B3GLCT: variants seen among roughly 807,000 people sequenced by gnomAD.
The protein encoded by B3GLCT is beta 3-glucosyltransferase.
In B3GLCT, 65 loss-of-function variants were observed where a neutral mutation model predicts 63.4. The ratio of observed to expected loss-of-function variants is 1.03; its 90% CI spans 0.84 to 1.26. The LOEUF (loss-of-function observed/expected upper bound fraction) is 1.26, where lower values mean the gene tolerates loss of function less well. B3GLCT is among the 50% of genes most tolerant of loss of function. The pLI is 0.00. For missense variants in B3GLCT, 577 were observed against 604.8 expected (o/e 0.95, Z 0.48); for synonymous variants, 233 against 219.2 (o/e 1.06, Z -0.55).
chr13:31,256,125 A>G (rs1871726436), intron 6 of B3GLCT, among the ~76,000 whole-genome samples: 2 of 152,270 alleles, frequency 1.3e-5, no homozygotes, highest in South Asian at 4.1e-4. Context: ...AAGTAGGCAG[A>G]GGATGTGAAC....
intron 6 of B3GLCT, among the ~76,000 whole-genome samples, chr13:31,252,835 C>G (rs954237856): frequency 1.3e-5 from 2 of 152,136 alleles, no homozygotes; most frequent in Non-Finnish European, 2.9e-5. Context: ...TATCCAGGAC[C>G]TGAACTCAGC....
intron 12 of B3GLCT, among the ~76,000 whole-genome samples, chr13:31,288,439 GA>G (rs1186806677): frequency 2.6e-5 from 4 of 152,142 alleles, no homozygotes; most frequent in African/African-American, 9.7e-5. Context: ...GCAGGCCCAA[GA>G]ATCAGCCATT....
chr13:31,311,551 A>T (rs1874711109), intron 12 of B3GLCT: 1 of 152,246 alleles, frequency 6.6e-6, no homozygotes, highest in Admixed American at 6.5e-5. Context: ...ATTCTTTCTC[A>T]ACCACTTTGT....
chr13:31,274,600 C>T lies in B3GLCT; in HGVS notation c.752C>T (p.Thr251Ile). Residue 251 changes from threonine to isoleucine, a missense_variant, in exon 9 of 15, where the codon ACC becomes ATC. Coordinates refer to ENST00000343307, the MANE Select transcript of B3GLCT (RefSeq NM_194318.4). ...AATGACGTGGACTTCTACTGTGCTA[C>T]CACATTCCATTCTTTTCTACCGCTT... Reference protein sequence around the residue: ...CTNDVDFYCATTFHSFLPLCR... With the variant: ...CTNDVDFYCAITFHSFLPLCR... 1.9e-6 allele frequency: 3 copies of T among 1,614,204 alleles called. No homozygotes were observed. The highest frequency in any genetic ancestry group is 1.7e-5 in the Admixed American group (1 of 60,028).
chr13:31,328,264 T>TA (rs531880777), intron 14 of B3GLCT, among the ~76,000 whole-genome samples: 386 of 152,298 alleles, frequency 2.5e-3, no homozygotes, highest in African/African-American at 8.6e-3. Flanking sequence ...CAGACTGTAA[T>TA]AAAAAAAGTA....
At chr13:31,233,027 C>G (rs757480357) in intron 4 of B3GLCT, among the ~76,000 whole-genome samples, 3 of 152,206 alleles carry the variant, frequency 2.0e-5, no homozygotes, top group African/African-American at 4.8e-5. Flanking sequence ...TATTAAATCA[C>G]AAGTTCTTTG....
At chr13:31,320,485 A>G (rs928630231) in intron 13 of B3GLCT, among the ~76,000 whole-genome samples, 2 of 152,206 alleles carry the variant, frequency 1.3e-5, no homozygotes, top group Non-Finnish European at 2.9e-5. Context: ...TTTTCTCTCT[A>G]GAAATTCATT....
intron 12 of B3GLCT, among the ~76,000 whole-genome samples, chr13:31,309,669 G>A (rs1349460986): frequency 6.6e-6 from 1 of 152,146 alleles, no homozygotes; most frequent in Non-Finnish European, 1.5e-5. Context: ...GAAGGAGTGT[G>A]GAGCTTCCTT....
intron 4 of B3GLCT, among the ~76,000 whole-genome samples, chr13:31,229,919 C>T (rs1203147284): frequency 6.6e-6 from 1 of 150,932 alleles, no homozygotes; most frequent in Non-Finnish European, 1.5e-5. Flanking sequence ...ATGATAAAAG[C>T]AAGTAGAAGA....
rs552757022 is a variant in B3GLCT at position 31,215,259 on chromosome 13, A to G, written c.120+159A>G. On this transcript the variant is annotated intron_variant, in intron 2 of 14. Coordinates refer to ENST00000343307, the MANE Select transcript of B3GLCT (RefSeq NM_194318.4). ...GGATTTTGAATCCCTAATGCAACCT[A>G]TAAGATAGACTTGCTTTTTACAAAT... Among the ~76,000 whole-genome samples the G allele has an allele frequency of 1.2e-4, 18 of 152,326 alleles. No homozygotes were observed. In the South Asian group the frequency reaches 1.9e-3, roughly 16 times the overall value.
intron 1 of B3GLCT, 64 bp from the exon 2 acceptor site, chr13:31,214,987 A>G: frequency 7.0e-7 from 1 of 1,430,756 alleles, no homozygotes; most frequent in Non-Finnish European, 9.7e-7. Context: ...AAACTGTTGG[A>G]TGTGAGAATT....
At chr13:31,317,818 A>G (rs2137936395) in intron 13 of B3GLCT, 133 bp downstream of exon 13, 9 of 1,062,012 alleles carry the variant, frequency 8.5e-6, no homozygotes, top group Non-Finnish European at 1.3e-5. Context: ...CTATAATAGG[A>G]AAGTGAACAT....
At chr13:31,265,678 T>G (rs1872258224) in intron 7 of B3GLCT, among the ~76,000 whole-genome samples, 2 of 152,256 alleles carry the variant, frequency 1.3e-5, no homozygotes, top group East Asian at 3.8e-4. Context: ...AAATTTTCAT[T>G]AACTACCAAT....
At chr13:31,267,809 T>TA (rs1367568139) in intron 7 of B3GLCT, among the ~76,000 whole-genome samples, 1 of 152,058 alleles carries the variant, frequency 6.6e-6, no homozygotes, top group Non-Finnish European at 1.5e-5. Context: ...AATGGAAACT[T>TA]ACTAGTATTT....
chr13:31,258,587 C>G (rs1332207191), intron 6 of B3GLCT, among the ~76,000 whole-genome samples: 1 of 152,150 alleles, frequency 6.6e-6, no homozygotes, highest in Non-Finnish European at 1.5e-5. Context: ...TGTACAAATG[C>G]TCCACCATTG....
At chr13:31,248,885 C>T (rs1017862323) in intron 6 of B3GLCT, among the ~76,000 whole-genome samples, 4 of 152,100 alleles carry the variant, frequency 2.6e-5, no homozygotes, top group Non-Finnish European at 5.9e-5. Flanking sequence ...TTCAAAGGCT[C>T]GTTAGGTTTA....
intron 13 of B3GLCT, among the ~76,000 whole-genome samples, chr13:31,319,436 C>T (rs914992747): frequency 6.6e-6 from 1 of 152,236 alleles, no homozygotes; most frequent in Admixed American, 6.5e-5. Context: ...TTCCAGCAAC[C>T]TTGCTGTCGC....
chr13:31,225,549 G>A (rs1870052640), intron 3 of B3GLCT, among the ~76,000 whole-genome samples: 1 of 152,222 alleles, frequency 6.6e-6, no homozygotes, highest in Admixed American at 6.5e-5. Context: ...TTTCTGGAAT[G>A]GGTTGGGGCT....
At chr13:31,227,562 TA>T (rs1870162441) in intron 3 of B3GLCT, among the ~76,000 whole-genome samples, 2 of 152,206 alleles carry the variant, frequency 1.3e-5, no homozygotes, top group African/African-American at 4.8e-5. Context: ...CCTATTTATA[TA>T]AACTCCTAAA....
Sources: allele counts gnomAD v4.1 joint callset (sites outside exome capture counted in the v4.1 genomes callset), GRCh38; gene constraint gnomAD v4.1.1; transcripts MANE v1.5; gene names NCBI Gene and HGNC (gene_info 2026-07-23, HGNC 2026-07-21).